CDH22: variants seen among roughly 807,000 people sequenced by gnomAD.
CDH22 encodes cadherin-22.
Under a neutral mutation model 58.4 loss-of-function variants are expected in CDH22, and 30 were observed. The ratio of observed to expected loss-of-function variants is 0.51; its 90% CI spans 0.38 to 0.70. CDH22 has a LOEUF of 0.70. CDH22 is among the 30% of genes least tolerant of loss of function. The probability of loss-of-function intolerance (pLI) is 0.00; values close to 1 mark genes in which losing one functional copy is unlikely to be tolerated. For missense variants in CDH22, 1,014 were observed against 1,233.9 expected (o/e 0.82, Z 2.67); for synonymous variants, 513 against 558.2 (o/e 0.92, Z 1.14).
At chr20:46,289,089 T>A (rs1188527383) in intron 1 of CDH22, among the ~76,000 whole-genome samples, 1 of 152,206 alleles carries the variant, frequency 6.6e-6, no homozygotes, top group Non-Finnish European at 1.5e-5. Flanking sequence ...TCAGCCACAC[T>A]GGCCCTCTGG....
chr20:46,247,043 AC>A (rs1451458218), intron 2 of CDH22, among the ~76,000 whole-genome samples: 1 of 91,384 alleles, frequency 1.1e-5, no homozygotes, highest in African/African-American at 4.0e-5. Context: ...GCTAATGACA[AC>A]CTTCCCCCCC....
chr20:46,289,763 G>T (rs2086592348), intron 1 of CDH22, among the ~76,000 whole-genome samples: 1 of 152,194 alleles, frequency 6.6e-6, no homozygotes. Flanking sequence ...GAAGGACCTG[G>T]GGTCACCTGG....
In CDH22 at chr20:46,195,343, A is replaced by G. The variant is rs185416261; in HGVS notation, c.1423+4080T>C. ...AGGTACAGTTTCCCAGGGAAGAGCGATCTTCACTGAATACTCACACAGACC... is the reference window on the plus strand; with the variant it reads ...AGGTACAGTTTCCCAGGGAAGAGCGGTCTTCACTGAATACTCACACAGACC... On this transcript the variant is annotated intron_variant, in intron 8 of 11. Transcript: ENST00000537909. Among the ~76,000 whole-genome samples, 596 of 152,278 alleles carry G rather than the reference A, an allele frequency of 3.9e-3. 7 individuals carry two copies. The highest frequency in any genetic ancestry group is 0.014 in the African/African-American group (577 of 41,538).
At chr20:46,193,535 C>T (rs75180384) in intron 8 of CDH22, among the ~76,000 whole-genome samples, 4,996 of 152,222 alleles carry the variant, frequency 0.033, 283 homozygotes, top group African/African-American at 0.11. Flanking sequence ...CTGATCACGC[C>T]ACTCTTCTGC....
chr20:46,195,985 A>G (rs2868767), intron 8 of CDH22, among the ~76,000 whole-genome samples: 41,388 of 152,084 alleles, frequency 0.27, 7,302 homozygotes, highest in African/African-American at 0.5. Context: ...AGGTGGGGCC[A>G]CCATGACCCT....
rs1354618287 is a variant in CDH22, at chr20:46,223,693, CTT to C, written c.670+3813_670+3814del. The stretch of plus-strand genomic sequence containing the variant: ...TCTTTCTTTCTTTCTTTCTTTCTTT[CTT>C]TCTTTCTTTCTTTCTTTCTTTTTCT... On this transcript the variant is annotated intron_variant, in intron 4 of 11. Transcript: ENST00000537909. Among the ~76,000 whole-genome samples, 164 of 68,948 alleles carry C rather than the reference CTT, an allele frequency of 2.4e-3. 1 individual carries two copies. The highest frequency in any genetic ancestry group is 0.023 in the South Asian group (50 of 2,176). The allele number at this position is 68,948 out of a possible 152,430, so 45.2% of individuals were successfully genotyped here.
chr20:46,238,824 CTCTTTTCTGCCCA>C (rs1760587174), intron 3 of CDH22, among the ~76,000 whole-genome samples: 1 of 152,244 alleles, frequency 6.6e-6, no homozygotes, highest in Admixed American at 6.5e-5. Flanking sequence ...TGCTCTTGCC[CTCTTTTCTGCCCA>C]TCTATTCTTC....
rs192902379 is a variant in CDH22 at position 46,297,904 on chromosome 20, C to T, written c.-400+10351G>A. On this transcript the variant is annotated intron_variant, in intron 1 of 11. Transcript: ENST00000537909. ...AGGCTTGTCTCCTTGGCTTACACAG[C>T]CCTGTGCCCCTGATGGTCCCCTCAC... 2.9e-3 allele frequency among the ~76,000 whole-genome samples: 440 copies of T among 152,200 alleles called. 2 individuals carry two copies. Among genetic ancestry groups the T allele is most frequent in the African/African-American group, 0.01 (419 of 41,510 alleles).
intron 1 of CDH22, among the ~76,000 whole-genome samples, chr20:46,274,692 A>G (rs1211485402): frequency 6.7e-6 from 1 of 148,320 alleles, no homozygotes; most frequent in Non-Finnish European, 1.5e-5. Context: ...CCTCTCAACC[A>G]GTGAATGGAT....
intron 8 of CDH22, among the ~76,000 whole-genome samples, chr20:46,191,692 C>T (rs1003987959): frequency 6.6e-6 from 1 of 152,180 alleles, no homozygotes; most frequent in African/African-American, 2.4e-5. Flanking sequence ...AGCTGGGACT[C>T]GAACCTGGGT....
chr20:46,181,525 C>G (rs2085783554), intron 10 of CDH22, among the ~76,000 whole-genome samples: 1 of 151,974 alleles, frequency 6.6e-6, no homozygotes, highest in Non-Finnish European at 1.5e-5. Flanking sequence ...GAGGAGGAGG[C>G]AGGCGGTCAT....
intron 1 of CDH22, among the ~76,000 whole-genome samples, chr20:46,256,286 G>C (rs540809242): frequency 6.6e-6 from 1 of 152,238 alleles, no homozygotes; most frequent in Admixed American, 6.5e-5. Flanking sequence ...AGCAGAGTAA[G>C]GGGCAGGAAG....
intron 3 of CDH22, among the ~76,000 whole-genome samples, chr20:46,237,189 G>A (rs899020026): frequency 4.6e-5 from 7 of 152,126 alleles, no homozygotes; most frequent in Non-Finnish European, 1.0e-4. Context: ...GGGTCCAGAG[G>A]GGGCAGGAAG....
chr20:46,306,941 T>C (rs2086680520), intron 1 of CDH22, among the ~76,000 whole-genome samples: 2 of 152,086 alleles, frequency 1.3e-5, no homozygotes, highest in African/African-American at 2.4e-5. Flanking sequence ...GATGCTGATA[T>C]AGGGTATTGG....
At chr20:46,239,695 T>C (rs908769991) in intron 3 of CDH22, among the ~76,000 whole-genome samples, 17 of 152,376 alleles carry the variant, frequency 1.1e-4, no homozygotes, top group African/African-American at 4.1e-4. Context: ...CTAGGGCAGC[T>C]GCTTCTTGTC....
intron 2 of CDH22, among the ~76,000 whole-genome samples, chr20:46,244,301 G>A (rs992766895): frequency 8.5e-5 from 13 of 152,174 alleles, no homozygotes; most frequent in Non-Finnish European, 2.9e-5. Flanking sequence ...GCTGCTCTCT[G>A]GGGACTGCAG....
chr20:46,236,883 G>A (rs1460427274), intron 3 of CDH22, among the ~76,000 whole-genome samples: 2 of 151,892 alleles, frequency 1.3e-5, no homozygotes, highest in East Asian at 1.9e-4. Flanking sequence ...TAGTAGAGAC[G>A]GGGTTTCACC....
chr20:46,229,779 G>C (rs889363670), intron 3 of CDH22, among the ~76,000 whole-genome samples: 2 of 152,120 alleles, frequency 1.3e-5, no homozygotes, highest in Admixed American at 6.5e-5. Flanking sequence ...TCAGGCTTAT[G>C]GTGGGTGCAC....
chr20:46,236,964 A>AT (rs895374688), intron 3 of CDH22, among the ~76,000 whole-genome samples: 4 of 152,158 alleles, frequency 2.6e-5, no homozygotes, highest in Admixed American at 2.0e-4. Context: ...AAGTGCGAGG[A>AT]TTACAGGCAT....
Sources: allele counts gnomAD v4.1 joint callset (sites outside exome capture counted in the v4.1 genomes callset), GRCh38; gene constraint gnomAD v4.1.1; transcripts MANE v1.5; gene names NCBI Gene and HGNC (gene_info 2026-07-23, HGNC 2026-07-21).